DOK3: variants seen among roughly 807,000 people sequenced by gnomAD.
The protein encoded by DOK3 is docking protein 3.
Under a neutral mutation model 26.2 loss-of-function variants are expected in DOK3, and 23 were observed. The ratio of observed to expected loss-of-function variants is 0.88; its 90% CI spans 0.63 to 1.24. The LOEUF is 1.24. Ranked by LOEUF, DOK3 falls within the 50% of genes most tolerant of loss-of-function variation. The pLI is 0.00. For missense variants in DOK3, 619 were observed against 610.6 expected (o/e 1.01, Z -0.15); for synonymous variants, 268 against 268.2 (o/e 1.00, Z 0.01).
In DOK3 at chr5:177,509,805, G is replaced by T; in HGVS notation, c.-165C>A. 6.2e-7 allele frequency: 1 copy of T among 1,611,754 alleles called. No individual in the cohort carries two copies. ...TGAAGGCAGCCTTCTCACGCACCTG[G>T]TTCAGCTGGGCACGCGCGTCTGATC... On this transcript the variant is annotated 5_prime_UTR_variant, in exon 1 of 6. Coordinates refer to ENST00000510898, the MANE Select transcript of DOK3 (RefSeq NM_001308236.3).
intron 2 of DOK3, chr5:177,508,933 GA>G (rs1760610618): frequency 8.3e-6 from 2 of 241,970 alleles, no homozygotes; most frequent in Non-Finnish European, 1.6e-5. Flanking sequence ...GGGTGGGAGG[GA>G]GGCCTCTGCC....
intron 3 of DOK3, among the ~76,000 whole-genome samples, chr5:177,507,547 G>C (rs1581789699): frequency 2.0e-5 from 3 of 151,966 alleles, no homozygotes; most frequent in African/African-American, 7.3e-5. Flanking sequence ...CTCGACCTCT[G>C]GGGCTCATGC....
In DOK3 at chr5:177,502,772, C is replaced by A; in HGVS notation, c.*1211G>T. On this transcript the variant is annotated 3_prime_UTR_variant, in exon 6 of 6. Coordinates refer to ENST00000510898, the MANE Select transcript of DOK3 (RefSeq NM_001308236.3). The stretch of plus-strand genomic sequence containing the variant: ...CTGGCTGTGGGCAGCTGTGTGCAGG[C>A]ACTGAGGAGGTCTGGGCTCGCCCAA... 2.1e-6 allele frequency: 1 copy of A among 465,880 alleles called. No homozygotes were observed. Among genetic ancestry groups the A allele is most frequent in the South Asian group, 3.7e-5 (1 of 26,800 alleles). The allele number at this position is 465,880 out of a possible 1,614,324, so 28.9% of individuals were successfully genotyped here. A position where few individuals can be genotyped will look rare whatever the true frequency, so the allele number is the denominator to read the frequency against.
chr5:177,508,311 T>G lies in DOK3; in HGVS notation c.298A>C (p.Thr100Pro), dbSNP rs1315392307. ...RDTGAFLLTT[T>P]ERSHLLAAQH... The stretch of plus-strand genomic sequence containing the variant: ...GCAGCCAGTAGATGGCTTCGCTCGG[T>G]GGTGGTGAGCAGGAAGGCACCGGTG... Residue 100 changes from threonine to proline, a missense_variant, in exon 3 of 6, where the codon ACC (threonine) becomes CCC (proline). Transcript: ENST00000510898. The G allele has an allele frequency of 6.3e-7, 1 of 1,587,780 alleles. No homozygotes were observed. Among genetic ancestry groups the G allele is most frequent in the African/African-American group, 1.3e-5 (1 of 74,682 alleles).
Position 177,503,907 on chromosome 5 carries a change from C to T in DOK3, c.*76G>A. 6.8e-7 allele frequency: 1 copy of T among 1,460,336 alleles called. No individual in the cohort carries two copies. The highest frequency in any genetic ancestry group is 9.0e-7 in the Non-Finnish European group (1 of 1,108,428). The allele number at this position is 1,460,336 out of a possible 1,614,324, so 90.5% of individuals were successfully genotyped here. A position where few individuals can be genotyped will look rare whatever the true frequency, so the allele number is the denominator to read the frequency against. Reference sequence around the variant, plus strand: ...ACACAGGCGTGTGTCTGCATGGGCCCAATGTTTGCCCACCAGCCCACCCTC... The same window carrying T: ...ACACAGGCGTGTGTCTGCATGGGCCTAATGTTTGCCCACCAGCCCACCCTC... On this transcript the variant is annotated 3_prime_UTR_variant, in exon 6 of 6. Transcript: ENST00000510898.
intron 3 of DOK3, among the ~76,000 whole-genome samples, chr5:177,505,461 A>G (rs1054172064): frequency 2.6e-5 from 4 of 151,962 alleles, no homozygotes; most frequent in African/African-American, 9.7e-5. Context: ...CCTCCATCTC[A>G]CCACAGCCAC....
rs1581775539 is a variant in DOK3, at chr5:177,503,464, G to A, written c.*519C>T. ...GGTGTCTCTGAAATCCCTTCCACCT[G>A]CACCCCGCCCCCACTGCCTCCTCCC... is the stretch of plus-strand genomic sequence containing the variant. On this transcript the variant is annotated 3_prime_UTR_variant, in exon 6 of 6. Transcript: ENST00000510898. 4 of 1,470,534 alleles carry A rather than the reference G, an allele frequency of 2.7e-6. No individual in the cohort carries two copies. Among genetic ancestry groups the A allele is most frequent in the East Asian group, 5.0e-5 (2 of 40,058 alleles). The allele number at this position is 1,470,534 out of a possible 1,614,324, so 91.1% of individuals were successfully genotyped here. A position where few individuals can be genotyped will look rare whatever the true frequency, so the allele number is the denominator to read the frequency against.
In DOK3 at chr5:177,502,260, A is replaced by C. The variant is rs1445534437; in HGVS notation, c.*1723T>G. ...AATTGAGGGGAGAATGGGGGTGAGA[A>C]AGTGGAAATGAAAGTAATCAACAAC... On this transcript the variant is annotated 3_prime_UTR_variant, in exon 6 of 6. Transcript: ENST00000510898. The C allele has an allele frequency of 6.6e-6, 1 of 152,272 alleles. No individual in the cohort carries two copies. Among genetic ancestry groups the C allele is most frequent in the East Asian group, 1.9e-4 (1 of 5,208 alleles). The allele number at this position is 152,272 out of a possible 1,614,324, so 9.4% of individuals were successfully genotyped here.
Position 177,503,153 on chromosome 5 carries a change from G to A in DOK3, c.*830C>T. 6.5e-7 allele frequency: 1 copy of A among 1,529,490 alleles called. No individual in the cohort carries two copies. Among genetic ancestry groups the A allele is most frequent in the Non-Finnish European group, 8.8e-7 (1 of 1,137,738 alleles). The allele number at this position is 1,529,490 out of a possible 1,614,324, so 94.7% of individuals were successfully genotyped here. A position where few individuals can be genotyped will look rare whatever the true frequency, so the allele number is the denominator to read the frequency against. ...GCGTGCGTGGCTGGCTCCTAGGATG[G>A]CGCCAGGAGCAGGAGCAGAGGAGGG... On this transcript the variant is annotated 3_prime_UTR_variant, in exon 6 of 6. Coordinates refer to ENST00000510898, the MANE Select transcript of DOK3 (RefSeq NM_001308236.3).
chr5:177,509,875 C>A, upstream of DOK3: 1 of 1,608,834 alleles, frequency 6.2e-7, no homozygotes, highest in Non-Finnish European at 8.5e-7. Context: ...CTCCCCCGTC[C>A]CGCCCCGGGC....
In DOK3 at chr5:177,503,958, C is replaced by G; in HGVS notation, c.*25G>C. On this transcript the variant is annotated 3_prime_UTR_variant, in exon 6 of 6. Coordinates refer to ENST00000510898, the MANE Select transcript of DOK3 (RefSeq NM_001308236.3). ...CTGTCCCAGGGGGAGCACCTCTCCCCTCTGGCCACCACTCTGCTGGGCGTT... is the reference window on the plus strand; with the variant it reads ...CTGTCCCAGGGGGAGCACCTCTCCCGTCTGGCCACCACTCTGCTGGGCGTT... 6.6e-7 allele frequency: 1 copy of G among 1,517,478 alleles called. No homozygotes were observed. Among genetic ancestry groups the G allele is most frequent in the Non-Finnish European group, 8.8e-7 (1 of 1,132,470 alleles). The allele number at this position is 1,517,478 out of a possible 1,614,324, so 94.0% of individuals were successfully genotyped here.
upstream of DOK3, chr5:177,510,419 T>G (rs1008117913): frequency 6.5e-6 from 1 of 154,024 alleles, no homozygotes; most frequent in South Asian, 1.9e-4. Flanking sequence ...ACCACGTGAG[T>G]GTGGGTGGCA....
chr5:177,508,790 G>A, intron 2 of DOK3: 1 of 432,786 alleles, frequency 2.3e-6, no homozygotes, highest in African/African-American at 2.0e-5. Context: ...AAGGCCATGA[G>A]AACTCGAGCT....
At chr5:177,505,862 A>G (rs887810803) in intron 3 of DOK3, among the ~76,000 whole-genome samples, 28 of 151,906 alleles carry the variant, frequency 1.8e-4, no homozygotes, top group African/African-American at 2.4e-4. Flanking sequence ...TCAGCCTCCC[A>G]AGTAGCTGGG....
rs544017672 is a variant in DOK3 at position 177,505,202 on chromosome 5, G to A, written c.373-92C>T. 747 of 1,162,302 alleles carry A rather than the reference G, an allele frequency of 6.4e-4. 1 individual carries two copies. The highest frequency in any genetic ancestry group is 8.2e-4 in the Non-Finnish European group (682 of 830,856). 72.0% of individuals were successfully genotyped at this position (1,162,302 alleles called of 1,614,324 possible). A position where few individuals can be genotyped will look rare whatever the true frequency, so the allele number is the denominator to read the frequency against. On this transcript the variant is annotated intron_variant, in intron 3 of 5. Transcript: ENST00000510898. ...ATCCCAGAACTCCACAAGCCAGGGG[G>A]CATCCAGGGGCCTGGGCTCCAGTTC...
chr5:177,502,870 G>T lies in DOK3; in HGVS notation c.*1113C>A. ...GGGAAGGGACTATGGAGAACAAAGAGGGGATGGTGGGCAGAGGCCTCGAAG... is the reference window on the plus strand; with the variant it reads ...GGGAAGGGACTATGGAGAACAAAGATGGGATGGTGGGCAGAGGCCTCGAAG... On this transcript the variant is annotated 3_prime_UTR_variant, in exon 6 of 6. Transcript: ENST00000510898. 1 of 602,866 alleles carries T rather than the reference G, an allele frequency of 1.7e-6. No homozygotes were observed. Among genetic ancestry groups the T allele is most frequent in the Non-Finnish European group, 2.9e-6 (1 of 343,386 alleles). The allele number at this position is 602,866 out of a possible 1,614,324, so 37.3% of individuals were successfully genotyped here.
chr5:177,505,554 A>T (rs1760016019), intron 3 of DOK3, among the ~76,000 whole-genome samples: 1 of 151,382 alleles, frequency 6.6e-6, no homozygotes, highest in Non-Finnish European at 1.5e-5. Flanking sequence ...GCTCTTTCCC[A>T]CTCAGCTCCT....
chr5:177,508,435 G>A lies in DOK3; in HGVS notation c.174C>T (p.Asp58=). The A allele has an allele frequency of 6.3e-7, 1 of 1,598,094 alleles. No individual in the cohort carries two copies. Among genetic ancestry groups the A allele is most frequent in the East Asian group, 2.3e-5 (1 of 44,240 alleles). ...VRDGGLGAAG[D]RSAGPGRRGE... ...CTCGCCGGCCAGGCCCTGCCGACCT[G>A]TCACCCGCTGCTCCCAGGCCACCAT... The change falls in exon 3 of 6, where the codon GAC becomes GAT. Residue 58 remains aspartate (D), a synonymous_variant. Transcript: ENST00000510898.
upstream of DOK3, chr5:177,509,936 C>T: frequency 3.2e-6 from 5 of 1,546,720 alleles, no homozygotes; most frequent in Non-Finnish European, 4.4e-6. Context: ...CACCCAGGAC[C>T]CTTCTCTAGC....
Sources: allele counts gnomAD v4.1 joint callset (sites outside exome capture counted in the v4.1 genomes callset), GRCh38; gene constraint gnomAD v4.1.1; transcripts MANE v1.5; gene names NCBI Gene and HGNC (gene_info 2026-07-23, HGNC 2026-07-21).